The following PLCB1 variants were observed in gnomAD, a reference collection of about 807,000 sequenced individuals.
PLCB1 encodes phospholipase C beta 1, also known as 1-phosphatidylinositol 4,5-bisphosphate phosphodiesterase beta-1.
PLCB1 carries 46 observed loss-of-function variants against 161.8 expected under a neutral mutation model. That is an observed-to-expected ratio of 0.28 (90% CI 0.22 to 0.36). The LOEUF (loss-of-function observed/expected upper bound fraction) is 0.36. PLCB1 is among the 10% of genes least tolerant of loss of function. The pLI is 1.00. For synonymous variants in PLCB1, 517 were observed against 503.7 expected (o/e 1.03, Z -0.35); for missense variants, 1,016 against 1,472.5 (o/e 0.69, Z 5.07).
chr20:8,445,888 C>T (rs1171686994), intron 3 of PLCB1, among the ~76,000 whole-genome samples: 2 of 152,038 alleles, frequency 1.3e-5, no homozygotes, highest in Non-Finnish European at 1.5e-5. Context: ...GATTTTTGCA[C>T]GTTGATTTTG....
At chr20:8,833,800 C>G (rs776727673) in intron 31 of PLCB1, among the ~76,000 whole-genome samples, 1 of 152,210 alleles carries the variant, frequency 6.6e-6, no homozygotes, top group Non-Finnish European at 1.5e-5. Context: ...ACGCTAACAA[C>G]GAATTCTGTT....
At chr20:8,743,706 A>G (rs553176314) in intron 23 of PLCB1, among the ~76,000 whole-genome samples, 1 of 152,294 alleles carries the variant, frequency 6.6e-6, no homozygotes, top group Non-Finnish European at 1.5e-5. Flanking sequence ...AAATACAAGA[A>G]TGAGTTCCCT....
intron 23 of PLCB1, among the ~76,000 whole-genome samples, chr20:8,744,616 T>TAAAATAAAATAAAATA (rs1555787573): frequency 8.2e-6 from 1 of 121,222 alleles, no homozygotes; most frequent in South Asian, 2.7e-4. Context: ...AAAAATAAAA[T>TAAAATAAAATAAAATA]AAATAAAATA....
At chr20:8,537,835 T>A (rs562882947) in intron 3 of PLCB1, among the ~76,000 whole-genome samples, 38 of 141,468 alleles carry the variant, frequency 2.7e-4, no homozygotes, top group African/African-American at 1.1e-3. Context: ...TTATGCATTT[T>A]AAAATAAACA....
At chr20:8,435,064 A>G (rs188052001) in intron 3 of PLCB1, among the ~76,000 whole-genome samples, 36 of 152,362 alleles carry the variant, frequency 2.4e-4, no homozygotes, top group African/African-American at 8.4e-4. Context: ...TAGAATATCT[A>G]TTGAAATGAA....
At chr20:8,560,565 C>A (rs1036110821) in intron 3 of PLCB1, among the ~76,000 whole-genome samples, 5 of 151,950 alleles carry the variant, frequency 3.3e-5, no homozygotes, top group Non-Finnish European at 4.4e-5. Flanking sequence ...TAGTGTTGTT[C>A]AACTAATTTG....
At chr20:8,707,657 C>G (rs1978761232) in intron 11 of PLCB1, among the ~76,000 whole-genome samples, 1 of 151,954 alleles carries the variant, frequency 6.6e-6, no homozygotes, top group Admixed American at 6.6e-5. Context: ...GAATTCATTC[C>G]CAGAAAATCA....
intron 2 of PLCB1, among the ~76,000 whole-genome samples, chr20:8,233,568 G>T (rs1980177430): frequency 6.6e-6 from 1 of 152,054 alleles, no homozygotes; most frequent in Non-Finnish European, 1.5e-5. Flanking sequence ...ATAAAATGCA[G>T]TTAAAAAGGT....
chr20:8,681,084 G>GTATATATA (rs1205332253), intron 9 of PLCB1, among the ~76,000 whole-genome samples: 86 of 39,750 alleles, frequency 2.2e-3, no homozygotes, highest in Non-Finnish European at 3.6e-3. Flanking sequence ...ATATGTGTGT[G>GTATATATA]TGTATATATA....
Position 8,450,027 on chromosome 20 carries a change from T to C in PLCB1, c.246+78577T>C, listed in dbSNP as rs575859910. On this transcript the variant is annotated intron_variant, in intron 3 of 31. Coordinates refer to ENST00000338037, the MANE Select transcript of PLCB1 (RefSeq NM_015192.4). ...ATGGTAGTATATTGAAATTTGTTCT[T>C]TGGAATTCAATTATTCAATAAAATA... 3.3e-5 allele frequency among the ~76,000 whole-genome samples: 5 copies of C among 152,328 alleles called. 1 individual carries two copies. The highest frequency in any genetic ancestry group is 1.2e-4 in the African/African-American group (5 of 41,566).
chr20:8,349,149 T>C (rs1319422205), intron 2 of PLCB1, among the ~76,000 whole-genome samples: 2 of 152,108 alleles, frequency 1.3e-5, no homozygotes, highest in Non-Finnish European at 2.9e-5. Flanking sequence ...GAATCAGTGG[T>C]GCACAGACAA....
chr20:8,624,595 C>T (rs1486066655), intron 3 of PLCB1, among the ~76,000 whole-genome samples: 1 of 152,106 alleles, frequency 6.6e-6, no homozygotes, highest in Non-Finnish European at 1.5e-5. Context: ...TGATATAATG[C>T]AGTAACACAT....
chr20:8,370,345 C>T (rs1986866819), intron 2 of PLCB1, among the ~76,000 whole-genome samples: 1 of 152,180 alleles, frequency 6.6e-6, no homozygotes, highest in Non-Finnish European at 1.5e-5. Context: ...GACTTCTTGT[C>T]ACATGTTCTG....
chr20:8,644,400 G>T (rs1472467085), intron 4 of PLCB1, among the ~76,000 whole-genome samples: 1 of 141,744 alleles, frequency 7.1e-6, no homozygotes, highest in East Asian at 2.0e-4. Flanking sequence ...GAGCGTCTCT[G>T]CCCGGCCACC....
chr20:8,836,830 G>A (rs1986305688), intron 31 of PLCB1, among the ~76,000 whole-genome samples: 1 of 152,110 alleles, frequency 6.6e-6, no homozygotes, highest in South Asian at 2.1e-4. Flanking sequence ...GTCAAATGCT[G>A]CATACATGAT....
At chr20:8,775,989 G>C (rs1052049236) in intron 27 of PLCB1, among the ~76,000 whole-genome samples, 1 of 152,292 alleles carries the variant, frequency 6.6e-6, no homozygotes, top group Non-Finnish European at 1.5e-5. Flanking sequence ...CAGGCATAGG[G>C]AGGGATTGCC....
intron 2 of PLCB1, among the ~76,000 whole-genome samples, chr20:8,284,294 T>A (rs6055712): frequency 0.33 from 50,027 of 151,924 alleles, 8,593 homozygotes; most frequent in African/African-American, 0.42. Flanking sequence ...ACACATGCAT[T>A]TCAAAATATC....
intron 27 of PLCB1, among the ~76,000 whole-genome samples, chr20:8,779,507 C>CAAAAAAAAAAAAAAAAAAAAA (rs373073139): frequency 9.8e-6 from 1 of 102,514 alleles, no homozygotes; most frequent in Non-Finnish European, 1.9e-5. Flanking sequence ...CACTTTTGTG[C>CAAAAAAAAAAAAAAAAAAAAA]AAAAAAAAAA....
At chr20:8,199,392 T>A (rs6055636) in intron 2 of PLCB1, among the ~76,000 whole-genome samples, 57,426 of 151,994 alleles carry the variant, frequency 0.38, 13,723 homozygotes, top group African/African-American at 0.69. Context: ...AGTTAAATTG[T>A]CTCTCAGAAT....
Sources: gnomAD v4.1 joint callset for allele counts (sites outside exome capture counted in the v4.1 genomes callset) on GRCh38, gnomAD v4.1.1 for gene constraint, MANE v1.5 for transcripts, NCBI Gene and HGNC (gene_info 2026-07-23, HGNC 2026-07-21) for gene names.